The following INVS variants were observed in gnomAD, a reference collection of about 807,000 sequenced individuals.
INVS encodes the protein inversin.
Under a neutral mutation model 108.8 loss-of-function variants are expected in INVS, and 86 were observed. The ratio of observed to expected loss-of-function variants is 0.79; its 90% CI spans 0.66 to 0.95. The LOEUF is 0.95. Among genes scored for constraint, INVS ranks in the 40% least tolerant of loss-of-function variants. INVS has a pLI of 0.00. For synonymous variants in INVS, 455 were observed against 473.5 expected (o/e 0.96, Z 0.51); for missense variants, 1,169 against 1,297.4 (o/e 0.90, Z 1.52).
intron 16 of INVS, 138 bp from the exon 17 acceptor site, chr9:100,300,430 T>C (rs550203735): frequency 8.8e-5 from 60 of 684,422 alleles, no homozygotes; most frequent in African/African-American, 7.1e-4. Flanking sequence ...TATTAAGTCA[T>C]CCTGCCTCTA....
chr9:100,205,395 A>G (rs952789786), intron 3 of INVS, among the ~76,000 whole-genome samples: 1 of 152,154 alleles, frequency 6.6e-6, no homozygotes, highest in African/African-American at 2.4e-5. Context: ...CTATGGCTAT[A>G]AAATGTATTT....
At chr9:100,277,019 C>T (rs915305545) in intron 12 of INVS, among the ~76,000 whole-genome samples, 2 of 152,172 alleles carry the variant, frequency 1.3e-5, no homozygotes, top group South Asian at 2.1e-4. Context: ...TTCATCGTCA[C>T]GTCCAGTTTT....
In INVS at chr9:100,207,500, C is replaced by A. The variant is rs139292037; in HGVS notation, c.274-18562C>A. ...TAGAGATGGGGTTTCGTCGTGTTGG[C>A]CAGGCTAATCTCAAACTCCTGACCT... On this transcript the variant is annotated intron_variant, in intron 3 of 16. Transcript: ENST00000262457. Among the ~76,000 whole-genome samples, 92 of 151,978 alleles carry A rather than the reference C, an allele frequency of 6.1e-4. No individual in the cohort carries two copies. In the East Asian group the frequency reaches 0.016, roughly 26 times the overall value.
chr9:100,119,093 T>G (rs1827644557), intron 2 of INVS, among the ~76,000 whole-genome samples: 1 of 152,272 alleles, frequency 6.6e-6, no homozygotes, highest in Non-Finnish European at 1.5e-5. Flanking sequence ...AGTCTATTTC[T>G]TTGCCACTAC....
In INVS at chr9:100,159,116, G is replaced by A. The variant is rs145420584; in HGVS notation, c.273+32567G>A. 4.7e-4 allele frequency among the ~76,000 whole-genome samples: 72 copies of A among 152,148 alleles called. No individual in the cohort carries two copies. The East Asian group carries it at 0.012, about 24-fold the overall frequency. ...TTTTTAAATAAATTGCCCAGCCTCC[G>A]GTATTCCTTTATAAAAATACAAATG... On this transcript the variant is annotated intron_variant, in intron 3 of 16. Transcript: ENST00000262457.
At chr9:100,139,794 A>G (rs1176678077) in intron 3 of INVS, among the ~76,000 whole-genome samples, 1 of 152,072 alleles carries the variant, frequency 6.6e-6, no homozygotes. Flanking sequence ...GGCACGTACC[A>G]CTACGCCCAG....
chr9:100,181,082 T>A (rs568510843), intron 3 of INVS, among the ~76,000 whole-genome samples: 146 of 152,248 alleles, frequency 9.6e-4, no homozygotes, highest in African/African-American at 3.4e-3. Context: ...TCAACACCCC[T>A]TCATGCTAAA....
Position 100,122,425 on chromosome 9 carries a change from CTATT to C in INVS, c.107-3956_107-3953del, listed in dbSNP as rs372712744. 2.6e-5 allele frequency among the ~76,000 whole-genome samples: 4 copies of C among 151,584 alleles called. No individual in the cohort carries two copies. In the East Asian group the frequency reaches 5.8e-4, roughly 22 times the overall value. On this transcript the variant is annotated intron_variant, in intron 2 of 16. Coordinates refer to ENST00000262457, the MANE Select transcript of INVS (RefSeq NM_014425.5). ...ACCCTTTTATTGTTATATAATATCT[CTATT>C]TGTTTCTGGTAATTGTCTTTTCTCT...
At chr9:100,165,034 A>G (rs1829317329) in intron 3 of INVS, among the ~76,000 whole-genome samples, 1 of 149,674 alleles carries the variant, frequency 6.7e-6, no homozygotes, top group Non-Finnish European at 1.5e-5. Flanking sequence ...AGTCCTATGT[A>G]TTTCCTGTAA....
intron 2 of INVS, among the ~76,000 whole-genome samples, chr9:100,121,313 G>A (rs1827721149): frequency 6.6e-6 from 1 of 152,104 alleles, no homozygotes; most frequent in Non-Finnish European, 1.5e-5. Flanking sequence ...CTAATCATGG[G>A]AGTGACATCA....
At chr9:100,198,245 T>C (rs573223000) in intron 3 of INVS, among the ~76,000 whole-genome samples, 2 of 145,928 alleles carry the variant, frequency 1.4e-5, no homozygotes, top group African/African-American at 5.0e-5. Context: ...GTTGACACAT[T>C]TGAAGATTGA....
chr9:100,131,156 C>G (rs1405248391), intron 3 of INVS, among the ~76,000 whole-genome samples: 1 of 152,076 alleles, frequency 6.6e-6, no homozygotes, highest in Non-Finnish European at 1.5e-5. Context: ...CTCTTTTCTA[C>G]TAGGCTGGAG....
At chr9:100,233,365 C>A (rs1410697777) in intron 5 of INVS, among the ~76,000 whole-genome samples, 1 of 152,140 alleles carries the variant, frequency 6.6e-6, no homozygotes, top group African/African-American at 2.4e-5. Flanking sequence ...CCTTTTATTT[C>A]TTTCTCTTAC....
chr9:100,192,701 C>A (rs867716002), intron 3 of INVS, among the ~76,000 whole-genome samples: 1 of 152,150 alleles, frequency 6.6e-6, no homozygotes, highest in East Asian at 1.9e-4. Context: ...TTTCAGATGC[C>A]ATATATCTTG....
intron 4 of INVS, among the ~76,000 whole-genome samples, chr9:100,226,638 C>A (rs1017657553): frequency 4.0e-5 from 6 of 151,820 alleles, no homozygotes; most frequent in Non-Finnish European, 8.8e-5. Context: ...CATAGTGAAA[C>A]CTCATCTCTA....
intron 3 of INVS, among the ~76,000 whole-genome samples, chr9:100,222,907 C>A (rs764174745): frequency 1.3e-5 from 2 of 150,836 alleles, no homozygotes; most frequent in African/African-American, 2.4e-5. Context: ...TCTTCCTTCT[C>A]AAGAACTGAC....
Position 100,246,612 on chromosome 9 carries a change from A to T in INVS, c.907-4A>T. The T allele has an allele frequency of 1.2e-6, 2 of 1,610,238 alleles. No homozygotes were observed. Among genetic ancestry groups the T allele is most frequent in the Non-Finnish European group, 1.7e-6 (2 of 1,176,536 alleles). On this transcript the variant is annotated splice_region_variant and splice_polypyrimidine_tract_variant and intron_variant, in intron 7 of 16. Coordinates refer to ENST00000262457, the MANE Select transcript of INVS (RefSeq NM_014425.5). ...TCCATTTTTTAAATCAAGTTTTCTT[A>T]CAGGAAACGGTTAAAGTGTTTTTAA...
intron 3 of INVS, among the ~76,000 whole-genome samples, chr9:100,155,817 A>AAGC (rs1828956928): frequency 6.6e-6 from 1 of 152,270 alleles, no homozygotes; most frequent in Non-Finnish European, 1.5e-5. Context: ...AGGTAAGATG[A>AAGC]AGCAAGTGAA....
chr9:100,158,572 T>C (rs1251466049), intron 3 of INVS, among the ~76,000 whole-genome samples: 1 of 152,180 alleles, frequency 6.6e-6, no homozygotes, highest in African/African-American at 2.4e-5. Flanking sequence ...CCCACAAACT[T>C]CTTACTTAGC....
Sources: gnomAD v4.1 joint callset for allele counts (sites outside exome capture counted in the v4.1 genomes callset) on GRCh38, gnomAD v4.1.1 for gene constraint, MANE v1.5 for transcripts, NCBI Gene and HGNC (gene_info 2026-07-23, HGNC 2026-07-21) for gene names.